COL16A1: variants seen among roughly 807,000 people sequenced by gnomAD.
COL16A1 encodes collagen type XVI alpha 1 chain, also known as collagen alpha-1(XVI) chain.
In COL16A1, 189 loss-of-function variants were observed where a neutral mutation model predicts 266.3. That is an observed-to-expected ratio of 0.71 (90% CI 0.63 to 0.80). The LOEUF (loss-of-function observed/expected upper bound fraction) is 0.80. Among genes scored for constraint, COL16A1 ranks in the 30% least tolerant of loss-of-function variants. COL16A1 has a pLI of 0.00. For missense variants in COL16A1, 1,928 were observed against 2,122.4 expected (o/e 0.91, Z 1.80); for synonymous variants, 740 against 782.3 (o/e 0.95, Z 0.90).
chr1:31,655,977 G>T (rs529625708), intron 66 of COL16A1: 2 of 301,136 alleles, frequency 6.6e-6, no homozygotes, highest in East Asian at 1.1e-4. Flanking sequence ...AGGCTGGGTT[G>T]GGTGCTCCTC....
chr1:31,698,220 G>C lies in COL16A1; in HGVS notation c.391-48C>G, dbSNP rs932547035. ...AAGGACAGAGATTCAGAGCTCCAGA[G>C]TCACACCATGGGCACGTTCAGGGAC... On this transcript the variant is annotated intron_variant, in intron 5 of 70. Transcript: ENST00000373672. This position sits in a 1 kb window ranked among gnomAD's most constrained non-coding sequence, Gnocchi z 4.1. 3 of 1,605,442 alleles carry C rather than the reference G, an allele frequency of 1.9e-6. No homozygotes were observed. The East Asian group carries it at 6.7e-5, about 36-fold the overall frequency.
chr1:31,665,673 C>A, intron 54 of COL16A1, 55 bp from the exon 55 acceptor site: 1 of 1,603,000 alleles, frequency 6.2e-7, no homozygotes, highest in Admixed American at 1.7e-5. Flanking sequence ...TCCTGCCTGG[C>A]TGCCCAGGTG....
At position 31,698,031 on chromosome 1, in the gene COL16A1, G is replaced by A. The variant is rs183118523; in HGVS notation, c.532C>T (p.Arg178Cys). Residue 178 changes from arginine (R) to cysteine (C), a missense_variant, in exon 6 of 71, where the codon CGT (arginine) becomes TGT (cysteine). Arg to Cys is a radical substitution (Grantham distance 180). This residue lies in a region of COL16A1 where 1,552 missense variants were observed against 1,637.2 expected (regional missense o/e 0.95). Coordinates refer to ENST00000373672, the MANE Select transcript of COL16A1 (RefSeq NM_001856.4). This position sits in a 1 kb window ranked among gnomAD's most constrained non-coding sequence, Gnocchi z 4.1. ...WHKLMLSVAG[R>C]VASVHVDCSS... Reference sequence around the variant, plus strand: ...CAGTCCACGTGCACAGAGGCCACACGTCCAGCCACACTCAGCATCAGCTTG... The same window carrying A: ...CAGTCCACGTGCACAGAGGCCACACATCCAGCCACACTCAGCATCAGCTTG... 2.7e-4 allele frequency: 436 copies of A among 1,613,620 alleles called. No homozygotes were observed. Among genetic ancestry groups the A allele is most frequent in the Non-Finnish European group, 3.6e-4 (423 of 1,180,054 alleles).
chr1:31,671,621 G>T lies in COL16A1; in HGVS notation c.3144C>A (p.Gly1048=), dbSNP rs1642715236. The T allele has an allele frequency of 6.2e-7, 1 of 1,614,060 alleles. No homozygotes were observed. The highest frequency in any genetic ancestry group is 1.7e-5 in the Admixed American group (1 of 60,014). Residue 1048 remains glycine (G), a synonymous_variant, in exon 48 of 71, where the codon GGC becomes GGA. Transcript: ENST00000373672. ...PGMRGSPGPP[G]PIGPPGFPGA... ...GGGCACCACTGATACTTACGATAGG[G>T]CCTGGAGGACCCGGGGAGCCCCTCA... is the stretch of plus-strand genomic sequence containing the variant.
rs1183184892 is a variant in COL16A1, at chr1:31,662,447, C to T, written c.3628-60G>A. The T allele has an allele frequency of 9.5e-6, 15 of 1,582,366 alleles. No homozygotes were observed. The East Asian group carries it at 2.1e-4, about 22-fold the overall frequency. On this transcript the variant is annotated intron_variant, in intron 57 of 70. Coordinates refer to ENST00000373672, the MANE Select transcript of COL16A1 (RefSeq NM_001856.4). Reference sequence around the variant, plus strand: ...TGCGGGAGCCCTAGGAGGTGGGAGGCCTGGCCCAACCCCTCAATTCTCTCC... The same window carrying T: ...TGCGGGAGCCCTAGGAGGTGGGAGGTCTGGCCCAACCCCTCAATTCTCTCC...
chr1:31,682,810 G>A, intron 37 of COL16A1, 124 bp downstream of exon 37: 5 of 1,196,134 alleles, frequency 4.2e-6, no homozygotes, highest in South Asian at 1.5e-5. Context: ...AGGCTGGGCT[G>A]AGGCCTCTCT....
chr1:31,691,115 T>A (rs993971034), intron 20 of COL16A1, 73 bp downstream of exon 20: 8 of 1,557,832 alleles, frequency 5.1e-6, no homozygotes, highest in Non-Finnish European at 6.1e-6. Flanking sequence ...TGTGGGAAGC[T>A]GCCCCGGCCC....
chr1:31,696,232 C>A, intron 8 of COL16A1, 91 bp from the exon 9 acceptor site: 1 of 1,149,828 alleles, frequency 8.7e-7, no homozygotes, highest in East Asian at 2.4e-5. Context: ...GGCATGGGCC[C>A]CAGGTAATCC....
chr1:31,665,769 A>C (rs1369841595), intron 54 of COL16A1, 113 bp downstream of exon 54: 2 of 1,600,242 alleles, frequency 1.2e-6, no homozygotes, highest in East Asian at 4.5e-5. Flanking sequence ...GGCTCTGGGC[A>C]TGAGGTAGGT....
At chr1:31,659,071 T>G in intron 62 of COL16A1, 107 bp from the exon 63 acceptor site, 1 of 1,044,318 alleles carries the variant, frequency 9.6e-7, no homozygotes, top group Non-Finnish European at 1.4e-6. Context: ...GCAGCTCCAT[T>G]TCCTCTGGAA....
intron 13 of COL16A1, 60 bp downstream of exon 13, chr1:31,693,032 C>T (rs1022283719): frequency 9.4e-6 from 11 of 1,174,736 alleles, no homozygotes; most frequent in Admixed American, 1.8e-5. Flanking sequence ...GCTCACATCC[C>T]ACCTCACCCC....
chr1:31,666,298 C>T, intron 52 of COL16A1: 2 of 579,652 alleles, frequency 3.5e-6, no homozygotes, highest in Non-Finnish European at 6.0e-6. Context: ...TGGCTCACTG[C>T]AAGCCAGCCA....
rs1557699867 is a variant in COL16A1 at position 31,699,117 on chromosome 1, C to CAAA, written c.267-512_267-511insTTT. Reference sequence around the variant, plus strand: ...CTCAAAAAGAAAACCAACCAACCAACCAAACAAACAAACAAACAAAAAACC... The same window carrying CAAA: ...CTCAAAAAGAAAACCAACCAACCAACAAACAAACAAACAAACAAACAAAAAACC... On this transcript the variant is annotated intron_variant, in intron 4 of 70. Transcript: ENST00000373672. Among the ~76,000 whole-genome samples, 6 of 150,774 alleles carry CAAA rather than the reference C, an allele frequency of 4.0e-5. No homozygotes were observed. The East Asian group carries it at 5.8e-4, about 15-fold the overall frequency.
chr1:31,684,291 C>G, intron 31 of COL16A1, 60 bp from the exon 32 acceptor site: 1 of 1,449,060 alleles, frequency 6.9e-7, no homozygotes, highest in Non-Finnish European at 9.1e-7. Context: ...CAGGCCAGGA[C>G]GCCCTGCACC....
Position 31,656,320 on chromosome 1 carries a change from T to C in COL16A1, c.4101+80A>G. On this transcript the variant is annotated intron_variant, in intron 66 of 70. Coordinates refer to ENST00000373672, the MANE Select transcript of COL16A1 (RefSeq NM_001856.4). The surrounding 1 kb of genome is among the most constrained non-coding windows in gnomAD (Gnocchi z 4.2). ...CACTGGCCTTCCTGTGTCTCCTCTC[T>C]GTGGCTAAAGCCGTAACTTGCAGCT... is the stretch of plus-strand genomic sequence containing the variant. 1 of 1,571,316 alleles carries C rather than the reference T, an allele frequency of 6.4e-7. No homozygotes were observed. Among genetic ancestry groups the C allele is most frequent in the Non-Finnish European group, 8.6e-7 (1 of 1,158,974 alleles).
At chr1:31,672,016 A>G (rs1642758372) in intron 47 of COL16A1, among the ~76,000 whole-genome samples, 1 of 152,226 alleles carries the variant, frequency 6.6e-6, no homozygotes, top group South Asian at 2.1e-4. Context: ...CACCTGTAGA[A>G]TGTTCCTGAA....
At position 31,693,092 on chromosome 1, in the gene COL16A1, C is replaced by T. The variant is rs754300893; in HGVS notation, c.1071G>A (p.Arg357=). The T allele has an allele frequency of 1.9e-6, 3 of 1,603,412 alleles. No homozygotes were observed. Among genetic ancestry groups the T allele is most frequent in the Non-Finnish European group, 2.6e-6 (3 of 1,170,824 alleles). ...PPGSKGEKGA[R]GNDCVRISPD... ...CCACGGGCAGGGCTGGGACACTTAC[C>T]CGTGCTCCCTTCTCTCCCTTGGAGC... Residue 357 remains arginine, a splice_region_variant and synonymous_variant, in exon 13 of 71, where the codon CGG becomes CGA. Coordinates refer to ENST00000373672, the MANE Select transcript of COL16A1 (RefSeq NM_001856.4).
chr1:31,661,913 A>T (rs528167985), intron 58 of COL16A1, among the ~76,000 whole-genome samples: 2 of 152,208 alleles, frequency 1.3e-5, no homozygotes, highest in South Asian at 4.1e-4. Flanking sequence ...GGGATATATA[A>T]GGGGGTTGAC....
rs755760253 is a variant in COL16A1 at position 31,682,934 on chromosome 1, C to T, written c.2538G>A (p.Pro846=). 24 of 1,613,862 alleles carry T rather than the reference C, an allele frequency of 1.5e-5. No homozygotes were observed. Among genetic ancestry groups the T allele is most frequent in the African/African-American group, 1.2e-4 (9 of 74,882 alleles). The change falls in exon 37 of 71, where the codon CCG becomes CCA. Residue 846 remains proline (P), a splice_region_variant and synonymous_variant. Coordinates refer to ENST00000373672, the MANE Select transcript of COL16A1 (RefSeq NM_001856.4). ...GPPGASVSGP[P]GRDGQQGQTG... ...AGCATGGAGCACAGAGAAGACTTAC[C>T]GGAGGCCCAGAGACACTGGCCCCAG...
Sources: gnomAD v4.1 joint callset for allele counts (sites outside exome capture counted in the v4.1 genomes callset) on GRCh38, gnomAD v4.1.1 for gene constraint, gnomAD v4.1.1 regional missense constraint, Gnocchi (gnomAD v3.1) non-coding constraint, MANE v1.5 for transcripts, NCBI Gene and HGNC (gene_info 2026-07-23, HGNC 2026-07-21) for gene names.